Variants in NAPB observed in about 807,000 individuals in gnomAD.
The protein encoded by NAPB is NSF attachment protein beta.
A neutral mutation model predicts 44.7 loss-of-function variants in NAPB; 26 were observed. The observed-to-expected ratio is 0.58, with a 90% CI of 0.43 to 0.81. The LOEUF (loss-of-function observed/expected upper bound fraction) is 0.81. Among genes scored for constraint, NAPB ranks in the 30% least tolerant of loss-of-function variants. NAPB has a pLI of 0.00. For synonymous variants in NAPB, 120 were observed against 116.8 expected, an observed-to-expected ratio of 1.03 and a Z score of -0.18; for missense variants, 315 against 356.4, an observed-to-expected ratio of 0.88 and a Z score of 0.94.
chr20:23,390,475 T>C (rs979631778), intron 5 of NAPB, among the ~76,000 whole-genome samples: 1 of 152,236 alleles, frequency 6.6e-6, no homozygotes, highest in Non-Finnish European at 1.5e-5. Flanking sequence ...CCTCCCCACA[T>C]GGCATATGCC....
intron 7 of NAPB, among the ~76,000 whole-genome samples, chr20:23,386,961 G>A (rs1481124693): frequency 6.6e-6 from 1 of 152,170 alleles, no homozygotes; most frequent in Non-Finnish European, 1.5e-5. Context: ...TTCCAGGAAT[G>A]TAAGGTTGGT....
At chr20:23,396,427 T>A (rs1002330665) in intron 3 of NAPB, among the ~76,000 whole-genome samples, 1 of 152,232 alleles carries the variant, frequency 6.6e-6, no homozygotes, top group Admixed American at 6.5e-5. Context: ...CAAAATGGAC[T>A]GCTAAAAGAA....
intron 1 of NAPB, among the ~76,000 whole-genome samples, chr20:23,412,151 C>T (rs1985700490): frequency 6.6e-6 from 1 of 152,158 alleles, no homozygotes; most frequent in Non-Finnish European, 1.5e-5. Context: ...CCTCTTTCTC[C>T]AAGTGTCATC....
chr20:23,421,188 T>A, intron 1 of NAPB, 117 bp downstream of exon 1: 2 of 815,482 alleles, frequency 2.5e-6, no homozygotes, highest in Non-Finnish European at 3.7e-6. Context: ...TGAGGGCCCC[T>A]AGACGTGGTC....
rs1305253699 is a variant in NAPB at position 23,376,195 on chromosome 20, A to G, written c.*1181T>C. On this transcript the variant is annotated 3_prime_UTR_variant, in exon 11 of 11. Coordinates refer to ENST00000377026, the MANE Select transcript of NAPB (RefSeq NM_022080.3). ...ACATTCAGGAGACAAGCGTATGTCT[A>G]AAGTACAATATCAGCATATAAATTA... 6.6e-6 allele frequency: 1 copy of G among 152,234 alleles called. No individual in the cohort carries two copies. The highest frequency in any genetic ancestry group is 2.4e-5 in the African/African-American group (1 of 41,452). 9.4% of individuals were successfully genotyped at this position (152,234 alleles called of 1,614,324 possible). A position where few individuals can be genotyped will look rare whatever the true frequency, so the allele number is the denominator to read the frequency against.
chr20:23,418,566 A>T (rs1031371393), intron 1 of NAPB, among the ~76,000 whole-genome samples: 3 of 152,224 alleles, frequency 2.0e-5, no homozygotes, highest in Non-Finnish European at 2.9e-5. Context: ...ATTACTGGAA[A>T]TAACAGTCTT....
chr20:23,403,976 G>A (rs1985052498), intron 1 of NAPB, among the ~76,000 whole-genome samples: 1 of 152,136 alleles, frequency 6.6e-6, no homozygotes, highest in Non-Finnish European at 1.5e-5. Flanking sequence ...AACACCCTGA[G>A]AAATGCATTT....
intron 2 of NAPB, among the ~76,000 whole-genome samples, chr20:23,401,482 G>A (rs1004988289): frequency 1.3e-5 from 2 of 152,160 alleles, no homozygotes; most frequent in African/African-American, 2.4e-5. Context: ...AACAGATGAC[G>A]CGGGGTGCAC....
intron 2 of NAPB, among the ~76,000 whole-genome samples, chr20:23,398,494 T>C (rs1027247218): frequency 6.6e-6 from 1 of 152,056 alleles, no homozygotes; most frequent in Non-Finnish European, 1.5e-5. Flanking sequence ...CTCAGCCTCC[T>C]GAGTAGCTGC....
chr20:23,394,283 C>A (rs1035920786), intron 5 of NAPB, among the ~76,000 whole-genome samples: 1 of 152,064 alleles, frequency 6.6e-6, no homozygotes, highest in Non-Finnish European at 1.5e-5. Context: ...AGCTGAGAGA[C>A]AAGGTAGTGA....
chr20:23,407,121 T>C (rs1328149521), intron 1 of NAPB, among the ~76,000 whole-genome samples: 1 of 152,180 alleles, frequency 6.6e-6, no homozygotes, highest in Non-Finnish European at 1.5e-5. Context: ...GATCCTCATG[T>C]CTCCTGAAAC....
At chr20:23,416,575 A>T (rs1389686850) in intron 1 of NAPB, among the ~76,000 whole-genome samples, 2 of 151,882 alleles carry the variant, frequency 1.3e-5, no homozygotes, top group African/African-American at 4.8e-5. Context: ...ATAATAATAT[A>T]ATTATATTTC....
At position 23,406,539 on chromosome 20, in the gene NAPB, T is replaced by C. The variant is rs1046429283; in HGVS notation, c.99-3467A>G. Among the ~76,000 whole-genome samples, 12 of 152,198 alleles carry C rather than the reference T, an allele frequency of 7.9e-5. 1 individual carries two copies. Among genetic ancestry groups the C allele is most frequent in the East Asian group, 5.8e-4 (3 of 5,174 alleles). ...GGGGACTATGTTACACAGTGAAAGA[T>C]AGAATGGCAACAAGCCATACCAAAA... On this transcript the variant is annotated intron_variant, in intron 1 of 10. Coordinates refer to ENST00000377026, the MANE Select transcript of NAPB (RefSeq NM_022080.3).
At chr20:23,390,141 A>G (rs1843585920) in intron 6 of NAPB, 68 bp downstream of exon 6, 1 of 1,517,926 alleles carries the variant, frequency 6.6e-7, no homozygotes, top group South Asian at 1.1e-5. Flanking sequence ...CTCACAAAGT[A>G]TAAAGAAGTA....
chr20:23,391,036 C>T (rs1278899231), intron 5 of NAPB, among the ~76,000 whole-genome samples: 1 of 152,134 alleles, frequency 6.6e-6, no homozygotes, highest in East Asian at 1.9e-4. Context: ...TGGTGTCGGC[C>T]AGGTGCGGTG....
chr20:23,411,343 C>A (rs1006117755), intron 1 of NAPB, among the ~76,000 whole-genome samples: 11 of 152,148 alleles, frequency 7.2e-5, no homozygotes, highest in African/African-American at 1.9e-4. Context: ...CTAAGAAAAT[C>A]AGGCTAAGAC....
chr20:23,400,089 C>G (rs779815245), intron 2 of NAPB, among the ~76,000 whole-genome samples: 63 of 152,206 alleles, frequency 4.1e-4, no homozygotes, highest in Non-Finnish European at 4.3e-4. Flanking sequence ...TGGGCTACCT[C>G]CATTTCTCCA....
chr20:23,414,204 C>T (rs1036944457), intron 1 of NAPB, among the ~76,000 whole-genome samples: 2 of 152,100 alleles, frequency 1.3e-5, no homozygotes, highest in African/African-American at 4.8e-5. Context: ...TGCCTGTAAT[C>T]CCAGCTGCTG....
At chr20:23,420,591 A>G (rs1270178925) in intron 1 of NAPB, among the ~76,000 whole-genome samples, 3 of 151,564 alleles carry the variant, frequency 2.0e-5, no homozygotes, top group Non-Finnish European at 4.4e-5. Flanking sequence ...GGCGCGCCTC[A>G]CCCGGACCGG....
Sources: allele counts gnomAD v4.1 joint callset (sites outside exome capture counted in the v4.1 genomes callset), GRCh38; gene constraint gnomAD v4.1.1; transcripts MANE v1.5; gene names NCBI Gene and HGNC (gene_info 2026-07-23, HGNC 2026-07-21).